Variants in EPHA6 observed in about 807,000 individuals in gnomAD.
EPHA6 encodes ephrin type-A receptor 6.
Under a neutral mutation model 112.0 loss-of-function variants are expected in EPHA6, and 50 were observed. The ratio of observed to expected loss-of-function variants is 0.45; its 90% CI spans 0.36 to 0.56. EPHA6 has a LOEUF of 0.56. Ranked by LOEUF, EPHA6 falls within the 20% of genes least tolerant of loss-of-function variation. EPHA6 has a pLI of 0.00. For missense variants in EPHA6, 1,280 were observed against 1,417.4 expected (o/e 0.90, Z 1.56); for synonymous variants, 529 against 490.7 (o/e 1.08, Z -1.03).
chr3:97,667,218 C>G (rs1307617741), intron 14 of EPHA6, among the ~76,000 whole-genome samples: 1 of 152,132 alleles, frequency 6.6e-6, no homozygotes, highest in African/African-American at 2.4e-5. Context: ...AATTAGCTGG[C>G]AAGTTATAGC....
intron 5 of EPHA6, among the ~76,000 whole-genome samples, chr3:97,375,544 C>T (rs1178899173): frequency 3.3e-5 from 5 of 151,938 alleles, no homozygotes. Context: ...CAATTTTTTT[C>T]TAACTATAAA....
At chr3:96,891,023 C>G (rs1559805044) in intron 2 of EPHA6, among the ~76,000 whole-genome samples, 1 of 152,128 alleles carries the variant, frequency 6.6e-6, no homozygotes, top group Non-Finnish European at 1.5e-5. Context: ...GTGGAGGTTG[C>G]AGTGAGCTGA....
At chr3:97,196,136 A>G (rs1242880870) in intron 3 of EPHA6, among the ~76,000 whole-genome samples, 2 of 143,184 alleles carry the variant, frequency 1.4e-5, no homozygotes, top group Non-Finnish European at 3.1e-5. Flanking sequence ...TTTTGAGGCT[A>G]TTTTCTAGAT....
chr3:97,178,009 G>A (rs1029679340), intron 3 of EPHA6, among the ~76,000 whole-genome samples: 3 of 151,920 alleles, frequency 2.0e-5, no homozygotes, highest in African/African-American at 7.2e-5. Flanking sequence ...TTTTCTGATT[G>A]TTTTGTCATC....
At chr3:97,227,898 G>C (rs570939529) in intron 4 of EPHA6, among the ~76,000 whole-genome samples, 1 of 152,290 alleles carries the variant, frequency 6.6e-6, no homozygotes, top group Admixed American at 6.5e-5. Context: ...CTCTTATCAG[G>C]AAGGAAGCTG....
intron 3 of EPHA6, among the ~76,000 whole-genome samples, chr3:97,027,769 A>G (rs2044693069): frequency 1.3e-5 from 2 of 152,216 alleles, no homozygotes; most frequent in South Asian, 2.1e-4. Context: ...TGCCTTTTAA[A>G]AAAATGTCTA....
intron 12 of EPHA6, among the ~76,000 whole-genome samples, chr3:97,600,506 C>T (rs2093634521): frequency 6.6e-6 from 1 of 152,006 alleles, no homozygotes. Context: ...AAGGCTTTTT[C>T]TGCTTTGTTT....
At chr3:97,601,261 C>T (rs938714095) in intron 12 of EPHA6, among the ~76,000 whole-genome samples, 1 of 152,090 alleles carries the variant, frequency 6.6e-6, no homozygotes, top group African/African-American at 2.4e-5. Context: ...CTTTCCATGG[C>T]TTGCTAAGTT....
At chr3:97,390,843 A>G (rs1452313719) in intron 5 of EPHA6, among the ~76,000 whole-genome samples, 1 of 152,004 alleles carries the variant, frequency 6.6e-6, no homozygotes, top group African/African-American at 2.4e-5. Flanking sequence ...AATTAGTGAA[A>G]AGGCAATTGA....
intron 2 of EPHA6, among the ~76,000 whole-genome samples, chr3:96,898,894 GGC>G (rs2038435709): frequency 6.6e-6 from 1 of 151,790 alleles, no homozygotes; most frequent in South Asian, 2.1e-4. Flanking sequence ...CGGGCATGGT[GGC>G]GCGCGCCTGT....
rs750296486 is a variant in EPHA6, at chr3:97,579,970, G to A, written c.2387-12642G>A. 9.2e-5 allele frequency among the ~76,000 whole-genome samples: 14 copies of A among 152,070 alleles called. No individual in the cohort carries two copies. In the East Asian group the frequency reaches 2.1e-3, roughly 23 times the overall value. ...AAATTGAATATAATACTTTGAAAGC[G>A]ATAAGTTTTTATTTTTCACTTGCAA... On this transcript the variant is annotated intron_variant, in intron 11 of 17. Coordinates refer to ENST00000389672, the MANE Select transcript of EPHA6 (RefSeq NM_001080448.3).
At chr3:97,428,664 G>A (rs927803877) in intron 6 of EPHA6, among the ~76,000 whole-genome samples, 3 of 152,102 alleles carry the variant, frequency 2.0e-5, no homozygotes, top group Non-Finnish European at 2.9e-5. Flanking sequence ...CAGTGGCGAC[G>A]AGGAGAGTGT....
chr3:97,291,230 CTGATAAGATAGT>C (rs1462948378), intron 5 of EPHA6, among the ~76,000 whole-genome samples: 2 of 152,002 alleles, frequency 1.3e-5, no homozygotes, highest in Admixed American at 1.3e-4. Context: ...TCATTGTTGT[CTGATAAGATAGT>C]TGAGAAGATT....
chr3:96,952,042 A>G (rs1412357241), intron 2 of EPHA6, among the ~76,000 whole-genome samples: 1 of 152,114 alleles, frequency 6.6e-6, no homozygotes, highest in Non-Finnish European at 1.5e-5. Flanking sequence ...TTGACAGTCA[A>G]GGTTCTTGGA....
At chr3:97,585,168 G>T (rs2093476903) in intron 11 of EPHA6, among the ~76,000 whole-genome samples, 1 of 152,190 alleles carries the variant, frequency 6.6e-6, no homozygotes. Flanking sequence ...TAAAAATTAT[G>T]TAAATAGACT....
intron 2 of EPHA6, among the ~76,000 whole-genome samples, chr3:96,943,583 G>A (rs2041093865): frequency 6.6e-6 from 1 of 152,198 alleles, no homozygotes; most frequent in Admixed American, 6.5e-5. Context: ...TGCAAATGAT[G>A]TATTTAAAAA....
intron 1 of EPHA6, among the ~76,000 whole-genome samples, chr3:96,863,269 GTT>G (rs2036112619): frequency 6.6e-6 from 1 of 151,720 alleles, no homozygotes; most frequent in Admixed American, 6.6e-5. Flanking sequence ...TTCCTACTGA[GTT>G]TACAGTGTTT....
At chr3:97,738,357 T>G (rs904775405) in intron 16 of EPHA6, among the ~76,000 whole-genome samples, 1 of 152,048 alleles carries the variant, frequency 6.6e-6, no homozygotes, top group Non-Finnish European at 1.5e-5. Flanking sequence ...TCTGGGCCCC[T>G]TGTTGTGGTA....
chr3:97,499,222 G>A lies in EPHA6; in HGVS notation c.2200+15163G>A, dbSNP rs138795876. On this transcript the variant is annotated intron_variant, in intron 10 of 17. Coordinates refer to ENST00000389672, the MANE Select transcript of EPHA6 (RefSeq NM_001080448.3). Reference sequence around the variant, plus strand: ...TCTGTTTTTTAATTATGAATTAAACGTTACTTATTGACTTTCTGTTATCAT... The same window carrying A: ...TCTGTTTTTTAATTATGAATTAAACATTACTTATTGACTTTCTGTTATCAT... 6.6e-3 allele frequency among the ~76,000 whole-genome samples: 1,004 copies of A among 152,124 alleles called. 12 individuals carry two copies. The highest frequency in any genetic ancestry group is 0.022 in the African/African-American group (915 of 41,506).
Sources: allele counts gnomAD v4.1 joint callset (sites outside exome capture counted in the v4.1 genomes callset), GRCh38; gene constraint gnomAD v4.1.1; transcripts MANE v1.5; gene names NCBI Gene and HGNC (gene_info 2026-07-23, HGNC 2026-07-21).